Variants in NCKAP5 observed in about 807,000 individuals in gnomAD.
NCKAP5 encodes NCK associated protein 5.
A neutral mutation model predicts 167.0 loss-of-function variants in NCKAP5; 92 were observed. The observed-to-expected ratio is 0.55, with a 90% CI of 0.47 to 0.66. NCKAP5 has a LOEUF of 0.66. Ranked by LOEUF, NCKAP5 falls within the 30% of genes least tolerant of loss-of-function variation. NCKAP5 has a pLI of 0.00. For synonymous variants in NCKAP5, 891 were observed against 877.4 expected, an observed-to-expected ratio of 1.02 and a Z score of -0.27; for missense variants, 2,378 against 2,315.0, an observed-to-expected ratio of 1.03 and a Z score of -0.56.
At chr2:133,210,758 C>T (rs7598534) in intron 5 of NCKAP5, among the ~76,000 whole-genome samples, 1 of 151,976 alleles carries the variant, frequency 6.6e-6, no homozygotes, top group Non-Finnish European at 1.5e-5. Flanking sequence ...TACTGAGGAA[C>T]AGGGAGAAAA....
At chr2:132,700,620 G>A (rs1428048172) in intron 19 of NCKAP5, among the ~76,000 whole-genome samples, 1 of 152,096 alleles carries the variant, frequency 6.6e-6, no homozygotes, top group Non-Finnish European at 1.5e-5. Context: ...GGTTTGAAAT[G>A]ATAGATTAAT....
At chr2:133,643,539 G>T in the NCKAP5 span, among the ~76,000 whole-genome samples, 1 of 151,982 alleles carries the variant, frequency 6.6e-6, no homozygotes, top group Non-Finnish European at 1.5e-5. Flanking sequence ...TGCCTTAATT[G>T]TTCTCAAATA....
chr2:133,561,818 T>A (rs776870316), intron 1 of NCKAP5, among the ~76,000 whole-genome samples: 3 of 152,184 alleles, frequency 2.0e-5, no homozygotes, highest in Non-Finnish European at 2.9e-5. Context: ...GACATATATG[T>A]CAACGGGCTG....
intron 3 of NCKAP5, among the ~76,000 whole-genome samples, chr2:133,472,301 T>C (rs1259926838): frequency 1.3e-5 from 2 of 152,104 alleles, no homozygotes; most frequent in Admixed American, 1.3e-4. Flanking sequence ...TACTGTAACT[T>C]TCCTTTAGAT....
At chr2:133,581,229 A>T in the NCKAP5 span, among the ~76,000 whole-genome samples, 22 of 152,338 alleles carry the variant, frequency 1.4e-4, no homozygotes, top group African/African-American at 4.6e-4. Context: ...AATGTCTCAG[A>T]TGCATTTGAG....
chr2:133,483,066 A>G (rs1680594085), intron 3 of NCKAP5, among the ~76,000 whole-genome samples: 1 of 152,072 alleles, frequency 6.6e-6, no homozygotes, highest in South Asian at 2.1e-4. Flanking sequence ...AGTATTTTTA[A>G]CATTCCTTTA....
chr2:132,806,107 C>T (rs959754737), intron 11 of NCKAP5, among the ~76,000 whole-genome samples: 4 of 152,106 alleles, frequency 2.6e-5, no homozygotes, highest in Non-Finnish European at 2.9e-5. Flanking sequence ...GCTGTTAATT[C>T]GTTCCTTTTT....
intron 8 of NCKAP5, among the ~76,000 whole-genome samples, chr2:132,897,367 G>A (rs1204420458): frequency 2.0e-5 from 3 of 152,196 alleles, no homozygotes; most frequent in Non-Finnish European, 1.5e-5. Context: ...AGATGGCTGG[G>A]AAAACAGTGT....
intron 8 of NCKAP5, among the ~76,000 whole-genome samples, chr2:132,952,501 C>T (rs954780798): frequency 6.6e-6 from 1 of 152,130 alleles, no homozygotes; most frequent in African/African-American, 2.4e-5. Flanking sequence ...TTTTCTTTCT[C>T]TCAGCAGTTG....
intron 9 of NCKAP5, among the ~76,000 whole-genome samples, chr2:132,874,780 A>G (rs1174223614): frequency 6.6e-6 from 1 of 152,176 alleles, no homozygotes; most frequent in Non-Finnish European, 1.5e-5. Context: ...CTGTCCCTGC[A>G]TACTGATTGG....
chr2:133,228,049 G>A (rs1049974917), intron 4 of NCKAP5, among the ~76,000 whole-genome samples: 4 of 152,138 alleles, frequency 2.6e-5, no homozygotes, highest in South Asian at 4.1e-4. Flanking sequence ...TCAGTTCCAC[G>A]TTTTAATTCT....
chr2:132,760,630 G>A (rs1680923953), intron 16 of NCKAP5, among the ~76,000 whole-genome samples: 1 of 150,276 alleles, frequency 6.7e-6, no homozygotes, highest in South Asian at 2.1e-4. Context: ...GTTTCATTGA[G>A]TTTCTATTGT....
the NCKAP5 span, among the ~76,000 whole-genome samples, chr2:133,574,270 C>G: frequency 6.6e-6 from 1 of 152,200 alleles, no homozygotes; most frequent in Non-Finnish European, 1.5e-5. Flanking sequence ...ATAATAGCCC[C>G]TGACCCCACC....
intron 5 of NCKAP5, among the ~76,000 whole-genome samples, chr2:133,142,936 T>C (rs1335532898): frequency 1.3e-5 from 2 of 152,152 alleles, no homozygotes; most frequent in Non-Finnish European, 2.9e-5. Context: ...CTCTGCAATA[T>C]AGACCTTTTT....
intron 8 of NCKAP5, among the ~76,000 whole-genome samples, chr2:132,914,108 T>C (rs1435050753): frequency 6.6e-6 from 1 of 152,146 alleles, no homozygotes; most frequent in Non-Finnish European, 1.5e-5. Context: ...CACATAAAAA[T>C]GCAGTACTGA....
At chr2:133,616,793 C>G in the NCKAP5 span, among the ~76,000 whole-genome samples, 4 of 152,116 alleles carry the variant, frequency 2.6e-5, no homozygotes, top group African/African-American at 4.8e-5. Context: ...TCCTCCCTAA[C>G]TCATTTTATG....
At chr2:133,184,331 T>C (rs1039208695) in intron 5 of NCKAP5, among the ~76,000 whole-genome samples, 2 of 152,180 alleles carry the variant, frequency 1.3e-5, no homozygotes, top group Admixed American at 1.3e-4. Context: ...TATTCTACGG[T>C]GTATATGTAT....
intron 3 of NCKAP5, among the ~76,000 whole-genome samples, chr2:133,444,460 C>A (rs1185888800): frequency 6.6e-6 from 1 of 152,046 alleles, no homozygotes; most frequent in East Asian, 1.9e-4. Context: ...TCTGGTATTG[C>A]TTTAAAATTG....
At chr2:133,253,510 C>G (rs191806427) in intron 4 of NCKAP5, among the ~76,000 whole-genome samples, 154 of 152,284 alleles carry the variant, frequency 1.0e-3, no homozygotes, top group Middle Eastern at 6.8e-3. Context: ...TCTCTACCAC[C>G]CAAGGCTTCC....
Sources: allele counts gnomAD v4.1 joint callset (sites outside exome capture counted in the v4.1 genomes callset), GRCh38; gene constraint gnomAD v4.1.1; transcripts MANE v1.5; gene names NCBI Gene and HGNC (gene_info 2026-07-23, HGNC 2026-07-21).